Variants in TRIM40 observed in about 807,000 individuals in gnomAD.
TRIM40 encodes E3 ubiquitin ligase TRIM40.
A neutral mutation model predicts 26.1 loss-of-function variants in TRIM40; 27 were observed. That is an observed-to-expected ratio of 1.04 (90% CI 0.76 to 1.43). The LOEUF is 1.43. Among genes scored for constraint, TRIM40 ranks in the 40% most tolerant of loss-of-function variants. The pLI, the probability that TRIM40 is intolerant of heterozygous loss-of-function variation, is 0.00. For missense variants in TRIM40, 289 were observed against 307.9 expected, an observed-to-expected ratio of 0.94 and a Z score of 0.46; for synonymous variants, 114 against 120.0, an observed-to-expected ratio of 0.95 and a Z score of 0.33.
chr6:30,146,959 A>T (rs1218100082), intron 3 of TRIM40, 26 bp from the exon 4 acceptor site: 1 of 1,555,572 alleles, frequency 6.4e-7, no homozygotes, highest in African/African-American at 1.4e-5. Flanking sequence ...CCTGACACTG[A>T]GTCTTAGGGA....
chr6:30,147,472 A>T (rs1771738062), intron 4 of TRIM40, 48 bp from the exon 5 acceptor site: 1 of 1,613,364 alleles, frequency 6.2e-7, no homozygotes, highest in Admixed American at 1.7e-5. Context: ...TTTGGAGGTG[A>T]TAGGAACCTG....
Position 30,147,796 on chromosome 6 carries a change from C to A in TRIM40, c.761C>A (p.Pro254His), listed in dbSNP as rs771214280. 2.5e-6 allele frequency: 4 copies of A among 1,614,070 alleles called. No homozygotes were observed. The South Asian group carries it at 4.4e-5, about 18-fold the overall frequency. Residue 254 changes from proline (P) to histidine (H), a missense_variant, in exon 6 of 6, where the codon CCC becomes CAC. Physicochemically the swap from Pro to His is moderately conservative, Grantham distance 77. Transcript: ENST00000396581. Reference sequence around the variant, plus strand: ...GGAGTCAGTGAATTGCTTCTTCAGCCCCCTCAGAAGCTCTGACCTGTTCAT... The same window carrying A: ...GGAGTCAGTGAATTGCTTCTTCAGCACCCTCAGAAGCTCTGACCTGTTCAT... Reference protein sequence around the residue: ...EKGVSELLLQPPQKL With the variant: ...EKGVSELLLQHPQKL
intron 5 of TRIM40, 65 bp downstream of exon 5, chr6:30,147,607 G>A: frequency 6.2e-7 from 1 of 1,613,238 alleles, no homozygotes; most frequent in Non-Finnish European, 8.5e-7. Flanking sequence ...GACATGCACA[G>A]AGGTCAAGGA....
chr6:30,143,161 A>G (rs1771447658), intron 2 of TRIM40, among the ~76,000 whole-genome samples: 1 of 152,146 alleles, frequency 6.6e-6, no homozygotes, highest in East Asian at 1.9e-4. Context: ...TCCACTATGT[A>G]TCTGAATCAG....
chr6:30,137,178 T>A lies in TRIM40; in HGVS notation c.142T>A (p.Ser48Thr). ...LTQHVEKASA[S>T]GVFCCPLCRK... ...ACAGCATGTGGAGAAGGCCTCAGCC[T>A]CTGGGGTCTTCTGCTGCCCCCTCTG... The change falls in exon 2 of 6, where the codon TCT becomes ACT. Residue 48 changes from serine to threonine, a missense_variant. Physicochemically the swap from Ser to Thr is moderately conservative, Grantham distance 58. Transcript: ENST00000396581. The A allele has an allele frequency of 6.2e-7, 1 of 1,613,034 alleles. No individual in the cohort carries two copies. Among genetic ancestry groups the A allele is most frequent in the Non-Finnish European group, 8.5e-7 (1 of 1,180,032 alleles).
rs1332540276 is a variant in TRIM40 at position 30,148,052 on chromosome 6, C to T, written c.*240C>T. 1.4e-5 allele frequency: 8 copies of T among 580,076 alleles called. No homozygotes were observed. Among genetic ancestry groups the T allele is most frequent in the Non-Finnish European group, 6.1e-6 (2 of 326,116 alleles). The allele number at this position is 580,076 out of a possible 1,614,324, so 35.9% of individuals were successfully genotyped here. ...TGCTTGGGGCTGCCACTGTGGAGGTCGGGGCCCATGGTCTCCAGGAGCATT... is the reference window on the plus strand; with the variant it reads ...TGCTTGGGGCTGCCACTGTGGAGGTTGGGGCCCATGGTCTCCAGGAGCATT... On this transcript the variant is annotated 3_prime_UTR_variant, in exon 6 of 6. Coordinates refer to ENST00000396581, the MANE Select transcript of TRIM40 (RefSeq NM_001286633.2).
rs745724118 is a variant in TRIM40 at position 30,137,185 on chromosome 6, T to A, written c.149T>A (p.Val50Asp). 1.9e-6 allele frequency: 3 copies of A among 1,612,828 alleles called. No homozygotes were observed. The highest frequency in any genetic ancestry group is 2.5e-6 in the Non-Finnish European group (3 of 1,180,014). ...QHVEKASASG[V>D]FCCPLCRKPC... is the part of the protein sequence containing the mutation. The stretch of plus-strand genomic sequence containing the variant: ...GTGGAGAAGGCCTCAGCCTCTGGGG[T>A]CTTCTGCTGCCCCCTCTGCCGGAAG... The change falls in exon 2 of 6, where the codon GTC becomes GAC. Residue 50 changes from valine (V) to aspartate (D), a missense_variant. Coordinates refer to ENST00000396581, the MANE Select transcript of TRIM40 (RefSeq NM_001286633.2).
rs1562101406 is a variant in TRIM40 at position 30,147,708 on chromosome 6, G to T, written c.690-17G>T. On this transcript the variant is annotated splice_polypyrimidine_tract_variant and intron_variant, in intron 5 of 5. Transcript: ENST00000396581. ...TATGAATACATATTAATCTATGAAA[G>T]ATTTCTTTGTTTCTAGGAGTGCTCC... is the stretch of plus-strand genomic sequence containing the variant. 1.9e-6 allele frequency: 3 copies of T among 1,612,914 alleles called. No homozygotes were observed. The highest frequency in any genetic ancestry group is 2.5e-6 in the Non-Finnish European group (3 of 1,179,002).
rs1426861239 is a variant in TRIM40 at position 30,147,145 on chromosome 6, A to G, written c.602A>G (p.Gln201Arg). ...RILDISRAVT[Q>R]LRSLVIDLER... ...CTTGACATCTCCAGGGCAGTAACAC[A>G]GCTCAGAAGCCTGGTCATTGATCTG... The change falls in exon 4 of 6, where the codon CAG (glutamine) becomes CGG (arginine). Residue 201 changes from glutamine to arginine, a missense_variant. Gln to Arg is a conservative substitution (Grantham distance 43). Coordinates refer to ENST00000396581, the MANE Select transcript of TRIM40 (RefSeq NM_001286633.2). 3 of 1,614,248 alleles carry G rather than the reference A, an allele frequency of 1.9e-6. No homozygotes were observed. In the South Asian group the frequency reaches 3.3e-5, roughly 18 times the overall value.
intron 2 of TRIM40, among the ~76,000 whole-genome samples, chr6:30,142,012 G>T (rs141313719): frequency 6.6e-6 from 1 of 152,268 alleles, no homozygotes; most frequent in East Asian, 1.9e-4. Flanking sequence ...GAGGGTAAGG[G>T]AGTTGAGTAT....
chr6:30,139,619 T>TA (rs1170521156), intron 2 of TRIM40, among the ~76,000 whole-genome samples: 1 of 152,132 alleles, frequency 6.6e-6, no homozygotes, highest in Non-Finnish European at 1.5e-5. Flanking sequence ...TGTAACTTTT[T>TA]ATTAGTTAGG....
intron 2 of TRIM40, among the ~76,000 whole-genome samples, chr6:30,141,268 G>T (rs1454141978): frequency 1.3e-5 from 2 of 152,246 alleles, no homozygotes; most frequent in African/African-American, 4.8e-5. Flanking sequence ...GAGTGAGGCT[G>T]GAGTGAGCTG....
At chr6:30,143,244 A>AT (rs35940649) in intron 2 of TRIM40, among the ~76,000 whole-genome samples, 5 of 151,682 alleles carry the variant, frequency 3.3e-5, no homozygotes, top group Admixed American at 6.6e-5. Flanking sequence ...TTACAACACT[A>AT]TTTTTTTTGA....
chr6:30,147,517 T>G lies in TRIM40; in HGVS notation c.667-3T>G, dbSNP rs755184835. The G allele has an allele frequency of 1.1e-5, 18 of 1,613,986 alleles. No homozygotes were observed. Among genetic ancestry groups the G allele is most frequent in the Non-Finnish European group, 1.5e-5 (18 of 1,180,048 alleles). On this transcript the variant is annotated splice_region_variant and splice_polypyrimidine_tract_variant and intron_variant, in intron 4 of 5. Transcript: ENST00000396581. ...TATGATTCTCACTTTTTCTCTCTCC[T>G]AGAATGCTGGTGACTTACTGAACAG...
chr6:30,144,456 T>G (rs898251477), intron 2 of TRIM40, among the ~76,000 whole-genome samples: 11 of 152,048 alleles, frequency 7.2e-5, no homozygotes, highest in Non-Finnish European at 1.2e-4. Flanking sequence ...GAAAAAAGAT[T>G]TGGTTTTGGA....
chr6:30,142,462 A>G (rs1357923700), intron 2 of TRIM40, among the ~76,000 whole-genome samples: 3 of 152,344 alleles, frequency 2.0e-5, no homozygotes, highest in South Asian at 2.1e-4. Context: ...GATTGCATCA[A>G]AATAGTTTAT....
intron 2 of TRIM40, among the ~76,000 whole-genome samples, chr6:30,139,620 ATTAG>A (rs751470189): frequency 3.3e-5 from 5 of 152,100 alleles, no homozygotes; most frequent in African/African-American, 4.8e-5. Flanking sequence ...GTAACTTTTT[ATTAG>A]TTAGGAAGAA....
At chr6:30,147,290 T>A in intron 4 of TRIM40, 81 bp downstream of exon 4, 2 of 1,529,180 alleles carry the variant, frequency 1.3e-6, no homozygotes, top group Non-Finnish European at 1.8e-6. Context: ...TTCTGGGAGG[T>A]GTAAGAGGGA....
At chr6:30,138,438 T>C (rs1771145105) in intron 2 of TRIM40, among the ~76,000 whole-genome samples, 1 of 152,222 alleles carries the variant, frequency 6.6e-6, no homozygotes, top group African/African-American at 2.4e-5. Flanking sequence ...GAATGATTCA[T>C]ATAGTTTCCC....
Sources: gnomAD v4.1 joint callset for allele counts (sites outside exome capture counted in the v4.1 genomes callset) on GRCh38, gnomAD v4.1.1 for gene constraint, MANE v1.5 for transcripts, NCBI Gene and HGNC (gene_info 2026-07-23, HGNC 2026-07-21) for gene names.